The following SEMA6D variants were observed in gnomAD, a reference collection of about 807,000 sequenced individuals.
SEMA6D encodes semaphorin 6D.
SEMA6D carries 35 observed loss-of-function variants against 106.6 expected under a neutral mutation model. The observed-to-expected ratio is 0.33, with a 90% confidence interval of 0.25 to 0.44. The LOEUF (loss-of-function observed/expected upper bound fraction) is 0.44. Ranked by LOEUF, SEMA6D falls within the 20% of genes least tolerant of loss-of-function variation. The pLI is 1.00. For missense variants in SEMA6D, 1,185 were observed against 1,345.9 expected (o/e 0.88, Z 1.87); for synonymous variants, 499 against 487.7 (o/e 1.02, Z -0.31).
chr15:47,364,623 C>G (rs532085982), intron 1 of SEMA6D, among the ~76,000 whole-genome samples: 1 of 152,072 alleles, frequency 6.6e-6, no homozygotes, highest in South Asian at 2.1e-4. Flanking sequence ...TAAAATACAT[C>G]GCTTAACACT....
intron 4 of SEMA6D, among the ~76,000 whole-genome samples, chr15:47,644,423 A>G (rs1197433059): frequency 1.3e-5 from 2 of 152,236 alleles, no homozygotes; most frequent in East Asian, 3.9e-4. Flanking sequence ...AATTAATTCT[A>G]GCTTTCTGCT....
At chr15:47,626,202 A>G (rs903903365) in intron 4 of SEMA6D, among the ~76,000 whole-genome samples, 1 of 152,152 alleles carries the variant, frequency 6.6e-6, no homozygotes, top group Non-Finnish European at 1.5e-5. Flanking sequence ...GTGCATCACA[A>G]CCGTGTGGGC....
chr15:47,625,089 C>G (rs1017525599), intron 4 of SEMA6D, among the ~76,000 whole-genome samples: 2 of 136,672 alleles, frequency 1.5e-5, no homozygotes, highest in African/African-American at 4.9e-5. Context: ...AATAAGAAAG[C>G]TGATTTTTTT....
intron 1 of SEMA6D, among the ~76,000 whole-genome samples, chr15:47,738,811 C>A (rs1230736637): frequency 6.6e-6 from 1 of 152,222 alleles, no homozygotes; most frequent in Non-Finnish European, 1.5e-5. Flanking sequence ...AAAGACTCAT[C>A]ACTACTCTAT....
chr15:47,471,919 TCTCTCTCTCTCTCA>T (rs942475934), intron 3 of SEMA6D, among the ~76,000 whole-genome samples: 1 of 133,688 alleles, frequency 7.5e-6, no homozygotes, highest in African/African-American at 3.1e-5. Context: ...TCTCTCTCTC[TCTCTCTCTCTCTCA>T]CACACACACA....
At chr15:47,756,054 A>G (rs2081711179) in intron 1 of SEMA6D, among the ~76,000 whole-genome samples, 1 of 152,056 alleles carries the variant, frequency 6.6e-6, no homozygotes, top group Non-Finnish European at 1.5e-5. Context: ...AGTATTTAAC[A>G]TTAGGAATGT....
intron 1 of SEMA6D, among the ~76,000 whole-genome samples, chr15:47,258,187 T>C (rs1210842489): frequency 6.6e-6 from 1 of 152,324 alleles, no homozygotes; most frequent in East Asian, 1.9e-4. Flanking sequence ...AGCATATAGT[T>C]ATGCAATTTA....
At chr15:47,635,957 T>TAA (rs5812405) in intron 4 of SEMA6D, among the ~76,000 whole-genome samples, 5 of 140,736 alleles carry the variant, frequency 3.6e-5, no homozygotes, top group East Asian at 2.1e-4. Context: ...ACTTAAATGC[T>TAA]AAAAAAAAAA....
intron 1 of SEMA6D, among the ~76,000 whole-genome samples, chr15:47,253,083 C>A (rs1334836691): frequency 6.6e-6 from 1 of 151,990 alleles, no homozygotes; most frequent in Non-Finnish European, 1.5e-5. Context: ...TATGATAATA[C>A]CCATTCTAAC....
chr15:47,453,145 T>C (rs1211734516), intron 2 of SEMA6D, among the ~76,000 whole-genome samples: 4 of 151,916 alleles, frequency 2.6e-5, no homozygotes, highest in Admixed American at 6.6e-5. Flanking sequence ...GAATCTAAAA[T>C]AGTGTCAATG....
intron 1 of SEMA6D, among the ~76,000 whole-genome samples, chr15:47,251,922 T>TCTTCA: frequency 2.2e-5 from 3 of 136,750 alleles, no homozygotes; most frequent in African/African-American, 8.3e-5. Flanking sequence ...TTTTTTTTTT[T>TCTTCA]TTTTTTTTTT....
chr15:47,477,713 TTAAC>T (rs1240140193), intron 3 of SEMA6D, among the ~76,000 whole-genome samples: 1 of 152,138 alleles, frequency 6.6e-6, no homozygotes, highest in African/African-American at 2.4e-5. Context: ...TGAGAAGTAT[TTAAC>T]TAACCATTCT....
intron 3 of SEMA6D, among the ~76,000 whole-genome samples, chr15:47,524,809 A>C (rs2044699958): frequency 6.6e-6 from 1 of 152,220 alleles, no homozygotes; most frequent in Admixed American, 6.5e-5. Context: ...TTTTTGGACT[A>C]GGCCAGGACA....
intron 3 of SEMA6D, among the ~76,000 whole-genome samples, chr15:47,760,707 T>C (rs2082014744): frequency 6.6e-6 from 1 of 152,198 alleles, no homozygotes; most frequent in African/African-American, 2.4e-5. Flanking sequence ...CTTAGAATTA[T>C]TCAAGCAAAT....
intron 1 of SEMA6D, among the ~76,000 whole-genome samples, chr15:47,243,760 A>G (rs1168111889): frequency 6.6e-6 from 1 of 152,266 alleles, no homozygotes; most frequent in East Asian, 1.9e-4. Context: ...AAAAGAAAGC[A>G]ATAGATATGT....
At chr15:47,264,203 C>T (rs1293538034) in intron 1 of SEMA6D, among the ~76,000 whole-genome samples, 1 of 151,840 alleles carries the variant, frequency 6.6e-6, no homozygotes, top group Non-Finnish European at 1.5e-5. Flanking sequence ...GAAAGGGTTG[C>T]AGGAGGGAGA....
intron 3 of SEMA6D, among the ~76,000 whole-genome samples, chr15:47,493,579 G>A (rs1279087281): frequency 6.6e-6 from 1 of 152,120 alleles, no homozygotes; most frequent in Non-Finnish European, 1.5e-5. Flanking sequence ...TTACATAAAA[G>A]TCATACATAT....
intron 2 of SEMA6D, among the ~76,000 whole-genome samples, chr15:47,458,232 TTGGAGGTTTTCACC>T (rs1262368311): frequency 2.0e-5 from 3 of 152,006 alleles, no homozygotes; most frequent in African/African-American, 7.2e-5. Context: ...TACTGATGTA[TTGGAGGTTTTCACC>T]ATATATGCGG....
chr15:47,539,864 G>A (rs182611849), intron 3 of SEMA6D, among the ~76,000 whole-genome samples: 1 of 152,250 alleles, frequency 6.6e-6, no homozygotes, highest in East Asian at 1.9e-4. Flanking sequence ...TATCATGATG[G>A]AGTTGCATTT....
Sources: allele counts gnomAD v4.1 joint callset (sites outside exome capture counted in the v4.1 genomes callset), GRCh38; gene constraint gnomAD v4.1.1; transcripts MANE v1.5; gene names NCBI Gene and HGNC (gene_info 2026-07-23, HGNC 2026-07-21).